The following SRPK2 variants were observed in gnomAD, a reference collection of about 807,000 sequenced individuals.
The protein encoded by SRPK2 is SFRS protein kinase 2.
Under a neutral mutation model 90.8 loss-of-function variants are expected in SRPK2, and 21 were observed. The observed-to-expected ratio is 0.23, with a 90% CI of 0.16 to 0.33. SRPK2 has a LOEUF of 0.33. Ranked by LOEUF, SRPK2 falls within the 10% of genes least tolerant of loss-of-function variation. SRPK2 has a pLI of 1.00. For synonymous variants in SRPK2, 288 were observed against 311.1 expected, an observed-to-expected ratio of 0.93 and a Z score of 0.78; for missense variants, 620 against 869.0, an observed-to-expected ratio of 0.71 and a Z score of 3.60.
intron 2 of SRPK2, among the ~76,000 whole-genome samples, chr7:105,333,944 CAG>C (rs1208339450): frequency 1.5e-4 from 23 of 152,094 alleles, no homozygotes; most frequent in Non-Finnish European, 3.1e-4. Context: ...TTTTTTGAGA[CAG>C]AGTTTCGCTC....
chr7:105,295,306 T>C (rs919061229), intron 2 of SRPK2, among the ~76,000 whole-genome samples: 8 of 151,850 alleles, frequency 5.3e-5, no homozygotes, highest in African/African-American at 1.9e-4. Context: ...TTTTAATGTT[T>C]GTTTTATGTT....
At chr7:105,182,231 C>CAA (rs368137906) in intron 3 of SRPK2, among the ~76,000 whole-genome samples, 1,373 of 65,186 alleles carry the variant, frequency 0.021, 28 homozygotes, top group East Asian at 0.055. Context: ...GACTCTGTCT[C>CAA]AAAAAAAAAA....
At chr7:105,194,995 C>T (rs1794741074) in intron 3 of SRPK2, among the ~76,000 whole-genome samples, 2 of 152,302 alleles carry the variant, frequency 1.3e-5, no homozygotes, top group South Asian at 4.1e-4. Flanking sequence ...CACCTCAGGC[C>T]TACCACATAC....
intron 15 of SRPK2, among the ~76,000 whole-genome samples, chr7:105,120,653 T>C (rs1364727733): frequency 7.1e-6 from 1 of 141,258 alleles, no homozygotes; most frequent in Admixed American, 7.1e-5. Context: ...GAACCGCCTC[T>C]AAAAAAAAAA....
chr7:105,160,398 T>C (rs1807433618), intron 7 of SRPK2, 109 bp downstream of exon 7: 1 of 623,960 alleles, frequency 1.6e-6, no homozygotes, highest in Non-Finnish European at 2.9e-6. Flanking sequence ...CATATATACA[T>C]TATGCACTGA....
intron 3 of SRPK2, among the ~76,000 whole-genome samples, chr7:105,171,001 GAA>G (rs1791041839): frequency 8.2e-6 from 1 of 122,298 alleles, no homozygotes; most frequent in Non-Finnish European, 1.8e-5. Context: ...GAAAGAGAAA[GAA>G]AGAAAGAAAG....
At chr7:105,167,490 A>G (rs1790222243) in intron 5 of SRPK2, 26 bp from the exon 6 acceptor site, 3 of 1,576,950 alleles carry the variant, frequency 1.9e-6, no homozygotes, top group Middle Eastern at 3.3e-4. Flanking sequence ...TGAATGCAAG[A>G]ACACAGGAGT....
At chr7:105,139,096 G>C (rs894625755) in intron 11 of SRPK2, among the ~76,000 whole-genome samples, 2 of 152,166 alleles carry the variant, frequency 1.3e-5, no homozygotes, top group African/African-American at 4.8e-5. Flanking sequence ...GATGGTGCTG[G>C]TTATGCAGGG....
intron 2 of SRPK2, among the ~76,000 whole-genome samples, chr7:105,243,156 T>C (rs1251138583): frequency 6.6e-6 from 1 of 152,050 alleles, no homozygotes; most frequent in Non-Finnish European, 1.5e-5. Context: ...CCCGCTACCA[T>C]CCCAGCTCCT....
chr7:105,255,641 G>A lies in SRPK2; in HGVS notation c.72-51856C>T, dbSNP rs118184204. Among the ~76,000 whole-genome samples, 780 of 152,142 alleles carry A rather than the reference G, an allele frequency of 5.1e-3. 12 individuals are homozygous for A. The East Asian group carries it at 0.055, about 11-fold the overall frequency. ...ATCAATGATATCCAAGTTGAGAAACGCACATCTAGGCCAGGCACAGTGACT... is the reference window on the plus strand; with the variant it reads ...ATCAATGATATCCAAGTTGAGAAACACACATCTAGGCCAGGCACAGTGACT... On this transcript the variant is annotated intron_variant, in intron 2 of 15. Transcript: ENST00000393651.
At chr7:105,209,567 G>A (rs1186677092) in intron 2 of SRPK2, among the ~76,000 whole-genome samples, 1 of 144,718 alleles carries the variant, frequency 6.9e-6, no homozygotes, top group African/African-American at 2.6e-5. Flanking sequence ...AAATAGAAAA[G>A]GAAAAAGGAA....
At chr7:105,345,682 T>G (rs929068450) in intron 2 of SRPK2, among the ~76,000 whole-genome samples, 1 of 152,224 alleles carries the variant, frequency 6.6e-6, no homozygotes, top group African/African-American at 2.4e-5. Flanking sequence ...CACATGAACA[T>G]GTCAATGTGT....
intron 2 of SRPK2, among the ~76,000 whole-genome samples, chr7:105,227,893 C>CAAAAAAAAAAAAAAAAAAAA: frequency 2.4e-5 from 2 of 84,692 alleles, no homozygotes; most frequent in Non-Finnish European, 2.5e-5. Flanking sequence ...TATCATTCAG[C>CAAAAAAAAAAAAAAAAAAAA]AAAAAAAAAA....
intron 2 of SRPK2, among the ~76,000 whole-genome samples, chr7:105,312,037 G>A (rs1298629741): frequency 1.3e-5 from 2 of 152,016 alleles, no homozygotes; most frequent in African/African-American, 4.8e-5. Context: ...AGTGAACTTT[G>A]ACAAATGCTA....
intron 3 of SRPK2, among the ~76,000 whole-genome samples, chr7:105,184,767 G>A (rs1488208909): frequency 6.6e-6 from 1 of 152,076 alleles, no homozygotes; most frequent in African/African-American, 2.4e-5. Flanking sequence ...GTGTCTTCTG[G>A]CCTAACATTT....
At chr7:105,151,359 T>C (rs1303315285) in intron 7 of SRPK2, among the ~76,000 whole-genome samples, 1 of 152,204 alleles carries the variant, frequency 6.6e-6, no homozygotes, top group African/African-American at 2.4e-5. Flanking sequence ...CATTCTCATC[T>C]ATGGGAGGGG....
chr7:105,387,009 CCCT>C (rs1221512931), intron 2 of SRPK2, among the ~76,000 whole-genome samples: 1 of 152,190 alleles, frequency 6.6e-6, no homozygotes, highest in African/African-American at 2.4e-5. Flanking sequence ...ACCAAAAAGG[CCCT>C]CGACCATTAG....
chr7:105,239,406 A>C (rs1800526616), intron 2 of SRPK2, among the ~76,000 whole-genome samples: 1 of 152,252 alleles, frequency 6.6e-6, no homozygotes, highest in Non-Finnish European at 1.5e-5. Flanking sequence ...TAGGTCACTC[A>C]AATAAAAATA....
Position 105,142,394 on chromosome 7 carries a change from G to C in SRPK2, c.1157C>G (p.Pro386Arg). 6.2e-7 allele frequency: 1 copy of C among 1,614,026 alleles called. No individual in the cohort carries two copies. Among genetic ancestry groups the C allele is most frequent in the Non-Finnish European group, 8.5e-7 (1 of 1,180,002 alleles). Residue 386 changes from proline to arginine, a missense_variant, in exon 11 of 16, where the codon CCT becomes CGT. Physicochemically the swap from Pro to Arg is moderately radical, Grantham distance 103. This residue lies in a region of SRPK2 where 243 missense variants were observed against 245.7 expected (regional missense o/e 0.99). Coordinates refer to ENST00000393651, the MANE Select transcript of SRPK2 (RefSeq NM_182692.3). ...GGTTTTAGGTGATTCTATCCACGTA[G>C]GGTCTATGTTCGCAAGTTCCTGATC... ...DVDQELANID[P>R]TWIESPKTNG...
Sources: allele counts gnomAD v4.1 joint callset (sites outside exome capture counted in the v4.1 genomes callset), GRCh38; gene constraint gnomAD v4.1.1; regional missense constraint gnomAD v4.1.1; transcripts MANE v1.5; gene names NCBI Gene and HGNC (gene_info 2026-07-23, HGNC 2026-07-21).